ADRA2C: variants seen among roughly 807,000 people sequenced by gnomAD.
ADRA2C encodes alpha-2C adrenergic receptor.
Under a neutral mutation model 7.9 loss-of-function variants are expected in ADRA2C, and 4 were observed. That is an observed-to-expected ratio of 0.51 (90% confidence interval 0.25 to 1.16). ADRA2C has a LOEUF of 1.16. Ranked by LOEUF, ADRA2C falls within the 50% of genes most tolerant of loss-of-function variation. The pLI, the probability that ADRA2C is intolerant of heterozygous loss-of-function variation, is 0.15. For synonymous variants in ADRA2C, 368 were observed against 328.9 expected (o/e 1.12, Z -1.29); for missense variants, 589 against 677.7 (o/e 0.87, Z 1.45).
In ADRA2C at chr4:3,766,915, GGTCAT is replaced by G; in HGVS notation, c.311_315del (p.Val104AlafsTer224). ...CGGCCGACATCCTGGTGGCCACGCT[GGTCAT>G]GCCCTTCTCGTTGGCCAACGAGCTC... On this transcript the variant is annotated frameshift_variant, in exon 1 of 1. Coordinates refer to ENST00000330055, the MANE Select transcript of ADRA2C (RefSeq NM_000683.4). LOFTEE classifies it low-confidence loss of function (END_TRUNC). This position sits in a 1 kb window ranked among gnomAD's most constrained non-coding sequence, Gnocchi z 4.5. 6.2e-7 allele frequency: 1 copy of G among 1,610,814 alleles called. No homozygotes were observed. The highest frequency in any genetic ancestry group is 8.5e-7 in the Non-Finnish European group (1 of 1,179,748).
In ADRA2C at chr4:3,767,413, C is replaced by T; in HGVS notation, c.807C>T (p.Gly269=). The T allele has an allele frequency of 6.5e-7, 1 of 1,531,350 alleles. No homozygotes were observed. Among genetic ancestry groups the T allele is most frequent in the Non-Finnish European group, 8.7e-7 (1 of 1,144,270 alleles). 94.9% of individuals were successfully genotyped at this position (1,531,350 alleles called of 1,614,324 possible). Residue 269 remains glycine, a synonymous_variant, in exon 1 of 1, where the codon GGC becomes GGT. Transcript: ENST00000330055. ...TTENGLGAAA[G]AGENGHCAPP... ...AAAACGGGCTGGGCGCGGCGGCAGG[C>T]GCAGGCGAGAACGGGCACTGCGCGC...
Position 3,767,514 on chromosome 4 carries a change from G to T in ADRA2C, c.908G>T (p.Arg303Leu). Residue 303 changes from arginine (R) to leucine (L), a missense_variant, in exon 1 of 1, where the codon CGG (arginine) becomes CTG (leucine). Coordinates refer to ENST00000330055, the MANE Select transcript of ADRA2C (RefSeq NM_000683.4). ...ERRRRRGALR[R>L]GGRRRAGAEG... ...CGGCGGCGCCGGGGCGCGTTGCGGC[G>T]GGGCGGGCGGCGGCGAGCGGGCGCG... 1 of 1,025,028 alleles carries T rather than the reference G, an allele frequency of 9.8e-7. No individual in the cohort carries two copies. Among genetic ancestry groups the T allele is most frequent in the Middle Eastern group, 4.7e-4 (1 of 2,132 alleles). The allele number at this position is 1,025,028 out of a possible 1,614,324, so 63.5% of individuals were successfully genotyped here.
rs1195315636 is a variant in ADRA2C at position 3,768,117 on chromosome 4, G to T, written c.*122G>T. 1 of 1,001,524 alleles carries T rather than the reference G, an allele frequency of 1.0e-6. No individual in the cohort carries two copies. Among genetic ancestry groups the T allele is most frequent in the Admixed American group, 2.2e-5 (1 of 46,112 alleles). 62.0% of individuals were successfully genotyped at this position (1,001,524 alleles called of 1,614,324 possible). On this transcript the variant is annotated 3_prime_UTR_variant, in exon 1 of 1. Coordinates refer to ENST00000330055, the MANE Select transcript of ADRA2C (RefSeq NM_000683.4). ...ATTGGCCTCCAGGGCGCAGGGGAGG[G>T]TGCGGCAGGGCAGGAGCTTGGCAGA...
chr4:3,766,978 C>T lies in ADRA2C; in HGVS notation c.372C>T (p.Cys124=), dbSNP rs774783509. Residue 124 remains cysteine (C), a synonymous_variant, in exon 1 of 1, where the codon TGC becomes TGT. Transcript: ENST00000330055. The surrounding 1 kb of genome is among the most constrained non-coding windows in gnomAD (Gnocchi z 4.5). ...ACTGGTACTTCGGGCAGGTGTGGTG[C>T]GGCGTGTACCTGGCGCTCGATGTGC... ...MAYWYFGQVW[C]GVYLALDVLF... 1.9e-6 allele frequency: 3 copies of T among 1,610,962 alleles called. No homozygotes were observed. The highest frequency in any genetic ancestry group is 2.2e-5 in the East Asian group (1 of 44,854).
Position 3,768,151 on chromosome 4 carries a change from C to A in ADRA2C, c.*156C>A. On this transcript the variant is annotated 3_prime_UTR_variant, in exon 1 of 1. Coordinates refer to ENST00000330055, the MANE Select transcript of ADRA2C (RefSeq NM_000683.4). ...GGCAGGAGCTTGGCAGAGAGATAGC[C>A]GGGCTCCAGGGAGTGGGGAGGAGAG... 1.3e-6 allele frequency: 1 copy of A among 770,620 alleles called. No individual in the cohort carries two copies. Among genetic ancestry groups the A allele is most frequent in the Non-Finnish European group, 2.2e-6 (1 of 448,902 alleles). 47.7% of individuals were successfully genotyped at this position (770,620 alleles called of 1,614,324 possible).
chr4:3,766,848 C>T lies in ADRA2C; in HGVS notation c.242C>T (p.Ala81Val), dbSNP rs541922821. The T allele has an allele frequency of 1.3e-6, 2 of 1,569,144 alleles. No individual in the cohort carries two copies. Among genetic ancestry groups the T allele is most frequent in the East Asian group, 2.4e-5 (1 of 41,090 alleles). The change falls in exon 1 of 1, where the codon GCG becomes GTG. Residue 81 changes from alanine (A) to valine (V), a missense_variant. Coordinates refer to ENST00000330055, the MANE Select transcript of ADRA2C (RefSeq NM_000683.4). This position sits in a 1 kb window ranked among gnomAD's most constrained non-coding sequence, Gnocchi z 4.5. ...GTGATCGCCGTGCTGACCAGCCGGGCGCTGCGCGCGCCACAGAACCTCTTC... is the reference window on the plus strand; with the variant it reads ...GTGATCGCCGTGCTGACCAGCCGGGTGCTGCGCGCGCCACAGAACCTCTTC... ...LVVIAVLTSRALRAPQNLFLV... is the reference protein window; with the variant it reads ...LVVIAVLTSRVLRAPQNLFLV...
In ADRA2C at chr4:3,767,245, C is replaced by A; in HGVS notation, c.639C>A (p.Ser213=). The change falls in exon 1 of 1, where the codon TCC becomes TCA. Residue 213 remains serine, a synonymous_variant. Transcript: ENST00000330055. ...GLNDETWYIL[S]SCIGSFFAPC... is the part of the protein sequence containing the mutation. ...ACGACGAGACCTGGTACATCCTGTC[C>A]TCCTGCATCGGCTCCTTCTTCGCGC... 1 of 1,609,750 alleles carries A rather than the reference C, an allele frequency of 6.2e-7. No homozygotes were observed. Among genetic ancestry groups the A allele is most frequent in the South Asian group, 1.1e-5 (1 of 90,480 alleles).
At position 3,767,860 on chromosome 4, in the gene ADRA2C, C is replaced by T; in HGVS notation, c.1254C>T (p.Leu418=). The change falls in exon 1 of 1, where the codon CTC becomes CTT. Residue 418 remains leucine, a synonymous_variant. Coordinates refer to ENST00000330055, the MANE Select transcript of ADRA2C (RefSeq NM_000683.4). ...AGGCCTGCCAGGTGCCCGGCCCGCT[C>T]TTCAAGTTCTTCTTCTGGATCGGCT... ...CREACQVPGP[L]FKFFFWIGYC... 1.9e-6 allele frequency: 3 copies of T among 1,613,096 alleles called. No individual in the cohort carries two copies. The highest frequency in any genetic ancestry group is 1.3e-5 in the African/African-American group (1 of 75,062).
At position 3,767,722 on chromosome 4, in the gene ADRA2C, G is replaced by A. The variant is rs1488138842; in HGVS notation, c.1116G>A (p.Val372=). The A allele has an allele frequency of 6.2e-7, 1 of 1,611,626 alleles. No individual in the cohort carries two copies. Among genetic ancestry groups the A allele is most frequent in the East Asian group, 2.2e-5 (1 of 44,730 alleles). Residue 372 remains valine (V), a synonymous_variant, in exon 1 of 1, where the codon GTG becomes GTA. Coordinates refer to ENST00000330055, the MANE Select transcript of ADRA2C (RefSeq NM_000683.4). The part of the protein sequence containing the change: ...RARSSVCRRK[V]AQAREKRFTF... Reference sequence around the variant, plus strand: ...GCAGCAGCGTGTGCCGCCGCAAGGTGGCCCAGGCGCGCGAGAAGCGCTTCA... The same window carrying A: ...GCAGCAGCGTGTGCCGCCGCAAGGTAGCCCAGGCGCGCGAGAAGCGCTTCA...
chr4:3,767,808 G>C lies in ADRA2C; in HGVS notation c.1202G>C (p.Ser401Thr). Residue 401 changes from serine to threonine, a missense_variant, in exon 1 of 1, where the codon AGC (serine) becomes ACC (threonine). By Grantham distance (58) the Ser-to-Thr change is moderately conservative (BLOSUM62 1). Coordinates refer to ENST00000330055, the MANE Select transcript of ADRA2C (RefSeq NM_000683.4). ...FVLCWFPFFF[S>T]YSLYGICREA... The stretch of plus-strand genomic sequence containing the variant: ...CTCTGCTGGTTCCCCTTCTTCTTCA[G>C]CTACAGCCTGTACGGCATCTGCCGC... 1 of 1,613,276 alleles carries C rather than the reference G, an allele frequency of 6.2e-7. No individual in the cohort carries two copies. The highest frequency in any genetic ancestry group is 1.1e-5 in the South Asian group (1 of 91,090).
rs1735509599 is a variant in ADRA2C at position 3,768,421 on chromosome 4, A to G, written c.*426A>G. The G allele has an allele frequency of 3.2e-6, 2 of 619,154 alleles. No homozygotes were observed. The allele number at this position is 619,154 out of a possible 1,614,324, so 38.4% of individuals were successfully genotyped here. On this transcript the variant is annotated 3_prime_UTR_variant, in exon 1 of 1. Transcript: ENST00000330055. ...GTCGGGGGGTGGCTGCCAGGGGGCA[A>G]GGAGAAAGCACCGACAATCTTTGAT... is the stretch of plus-strand genomic sequence containing the variant.
rs1735447942 is a variant in ADRA2C, at chr4:3,766,641, T to C, written c.35T>C (p.Val12Ala). 2 of 1,219,764 alleles carry C rather than the reference T, an allele frequency of 1.6e-6. No homozygotes were observed. Among genetic ancestry groups the C allele is most frequent in the South Asian group, 4.1e-5 (1 of 24,666 alleles). The allele number at this position is 1,219,764 out of a possible 1,614,324, so 75.6% of individuals were successfully genotyped here. ...CCGGCGCTGGCGGCGGCGCTGGCGG[T>C]GGCGGCAGCGGCGGGCCCCAATGCG... ...ASPALAAALA[V>A]AAAAGPNASG... Residue 12 changes from valine (V) to alanine (A), a missense_variant, in exon 1 of 1, where the codon GTG becomes GCG. Coordinates refer to ENST00000330055, the MANE Select transcript of ADRA2C (RefSeq NM_000683.4). This position sits in a 1 kb window ranked among gnomAD's most constrained non-coding sequence, Gnocchi z 4.5.
rs1166140762 is a variant in ADRA2C at position 3,768,289 on chromosome 4, G to T, written c.*294G>T. The T allele has an allele frequency of 4.2e-6, 3 of 717,234 alleles. No individual in the cohort carries two copies. Among genetic ancestry groups the T allele is most frequent in the Non-Finnish European group, 7.8e-6 (3 of 385,106 alleles). The allele number at this position is 717,234 out of a possible 1,614,324, so 44.4% of individuals were successfully genotyped here. ...GTGTGGCTGTGAGGTCAGGGTTTTA[G>T]AGAGCAGTGGCAGAGGTAGCCCCCT... On this transcript the variant is annotated 3_prime_UTR_variant, in exon 1 of 1. Transcript: ENST00000330055.
rs902542545 is a variant in ADRA2C, at chr4:3,767,273, T to G, written c.667T>G (p.Cys223Gly). The stretch of plus-strand genomic sequence containing the variant: ...CTGCATCGGCTCCTTCTTCGCGCCC[T>G]GCCTCATCATGGGCCTGGTCTACGC... ...SSCIGSFFAP[C>G]LIMGLVYARI... Residue 223 changes from cysteine to glycine, a missense_variant, in exon 1 of 1, where the codon TGC (cysteine) becomes GGC (glycine). Coordinates refer to ENST00000330055, the MANE Select transcript of ADRA2C (RefSeq NM_000683.4). The G allele has an allele frequency of 6.2e-7, 1 of 1,605,452 alleles. No homozygotes were observed. The highest frequency in any genetic ancestry group is 2.2e-5 in the East Asian group (1 of 44,566).
rs2108687768 is a variant in ADRA2C at position 3,767,214 on chromosome 4, G to A, written c.608G>A (p.Gly203Asp). 6.2e-7 allele frequency: 1 copy of A among 1,610,330 alleles called. No homozygotes were observed. ...GACGGCGCCGCCTACCCGCAGTGCG[G>A]CCTCAACGACGAGACCTGGTACATC... Reference protein sequence around the residue: ...QPDGAAYPQCGLNDETWYILS... With the variant: ...QPDGAAYPQCDLNDETWYILS... The change falls in exon 1 of 1, where the codon GGC (glycine) becomes GAC (aspartate). Residue 203 changes from glycine to aspartate, a missense_variant. By Grantham distance (94) the Gly-to-Asp change is moderately conservative. Transcript: ENST00000330055.
chr4:3,768,003 C>T lies in ADRA2C; in HGVS notation c.*8C>T. ...AGGGGCTTCAGGCAGTGACTCGCACCCGTCTGGGAATCCTGGACAGCTCCG... is the reference window on the plus strand; with the variant it reads ...AGGGGCTTCAGGCAGTGACTCGCACTCGTCTGGGAATCCTGGACAGCTCCG... On this transcript the variant is annotated 3_prime_UTR_variant, in exon 1 of 1. Coordinates refer to ENST00000330055, the MANE Select transcript of ADRA2C (RefSeq NM_000683.4). 1.9e-6 allele frequency: 3 copies of T among 1,602,244 alleles called. No homozygotes were observed. The highest frequency in any genetic ancestry group is 2.6e-6 in the Non-Finnish European group (3 of 1,175,296).
Position 3,767,708 on chromosome 4 carries a change from T to A in ADRA2C, c.1102T>A (p.Cys368Ser), listed in dbSNP as rs1304461302. The change falls in exon 1 of 1, where the codon TGC (cysteine) becomes AGC (serine). Residue 368 changes from cysteine to serine, a missense_variant. Physicochemically the swap from Cys to Ser is moderately radical, Grantham distance 112. Transcript: ENST00000330055. ...CCGGCGCCGGGCGCGCAGCAGCGTGTGCCGCCGCAAGGTGGCCCAGGCGCG... is the reference window on the plus strand; with the variant it reads ...CCGGCGCCGGGCGCGCAGCAGCGTGAGCCGCCGCAAGGTGGCCCAGGCGCG... ...SRRRRARSSV[C>S]RRKVAQAREK... The A allele has an allele frequency of 6.2e-7, 1 of 1,609,212 alleles. No individual in the cohort carries two copies. The highest frequency in any genetic ancestry group is 8.5e-7 in the Non-Finnish European group (1 of 1,178,434).
chr4:3,766,833 T>C lies in ADRA2C; in HGVS notation c.227T>C (p.Val76Ala). Residue 76 changes from valine (V) to alanine (A), a missense_variant, in exon 1 of 1, where the codon GTG (valine) becomes GCG (alanine). Physicochemically the swap from Val to Ala is moderately conservative, Grantham distance 64. Transcript: ENST00000330055. The surrounding 1 kb of genome is among the most constrained non-coding windows in gnomAD (Gnocchi z 4.5). Reference protein sequence around the residue: ...VVGNVLVVIAVLTSRALRAPQ... With the variant: ...VVGNVLVVIAALTSRALRAPQ... Reference sequence around the variant, plus strand: ...GGCAACGTGCTGGTGGTGATCGCCGTGCTGACCAGCCGGGCGCTGCGCGCG... The same window carrying C: ...GGCAACGTGCTGGTGGTGATCGCCGCGCTGACCAGCCGGGCGCTGCGCGCG... The C allele has an allele frequency of 1.3e-6, 2 of 1,585,028 alleles. No homozygotes were observed. Among genetic ancestry groups the C allele is most frequent in the Non-Finnish European group, 8.6e-7 (1 of 1,166,652 alleles).
Position 3,767,414 on chromosome 4 carries a change from G to C in ADRA2C, c.808G>C (p.Ala270Pro), listed in dbSNP as rs1353450499. The C allele has an allele frequency of 2.6e-6, 4 of 1,531,202 alleles. No homozygotes were observed. In the Admixed American group the frequency reaches 5.9e-5, roughly 23 times the overall value. The allele number at this position is 1,531,202 out of a possible 1,614,324, so 94.9% of individuals were successfully genotyped here. A position where few individuals can be genotyped will look rare whatever the true frequency, so the allele number is the denominator to read the frequency against. Residue 270 changes from alanine (A) to proline (P), a missense_variant, in exon 1 of 1, where the codon GCA (alanine) becomes CCA (proline). By Grantham distance (27) the Ala-to-Pro change is conservative (BLOSUM62 -1). Coordinates refer to ENST00000330055, the MANE Select transcript of ADRA2C (RefSeq NM_000683.4). ...AAACGGGCTGGGCGCGGCGGCAGGC[G>C]CAGGCGAGAACGGGCACTGCGCGCC... ...TENGLGAAAG[A>P]GENGHCAPPP...
Sources: gnomAD v4.1 joint callset for allele counts on GRCh38, gnomAD v4.1.1 for gene constraint, Gnocchi (gnomAD v3.1) non-coding constraint, MANE v1.5 for transcripts, NCBI Gene and HGNC (gene_info 2026-07-23, HGNC 2026-07-21) for gene names.